The following NRG3 variants were observed in gnomAD, a reference collection of about 807,000 sequenced individuals.
The protein encoded by NRG3 is neuregulin 3.
Under a neutral mutation model 66.9 loss-of-function variants are expected in NRG3, and 31 were observed. The observed-to-expected ratio is 0.46, with a 90% CI of 0.35 to 0.63. NRG3 has a LOEUF of 0.63. Among genes scored for constraint, NRG3 ranks in the 20% least tolerant of loss-of-function variants. The pLI is 0.00. For missense variants in NRG3, 910 were observed against 878.9 expected, an observed-to-expected ratio of 1.04 and a Z score of -0.45; for synonymous variants, 393 against 359.4, an observed-to-expected ratio of 1.09 and a Z score of -1.06.
At chr10:82,740,662 A>G (rs1046226862) in intron 3 of NRG3, among the ~76,000 whole-genome samples, 3 of 152,040 alleles carry the variant, frequency 2.0e-5, no homozygotes, top group African/African-American at 7.2e-5. Flanking sequence ...TGTCTCTACT[A>G]AAAATACAAA....
chr10:82,937,411 C>G (rs117253966), intron 4 of NRG3, among the ~76,000 whole-genome samples: 2 of 152,130 alleles, frequency 1.3e-5, no homozygotes, highest in African/African-American at 4.8e-5. Context: ...GTAAATAGAG[C>G]GAGACCCTGG....
At chr10:81,895,010 C>T (rs540633855) in intron 1 of NRG3, among the ~76,000 whole-genome samples, 8 of 152,276 alleles carry the variant, frequency 5.3e-5, no homozygotes, top group African/African-American at 1.4e-4. Context: ...TGAGTAAGAG[C>T]GGGCCACAGC....
chr10:82,797,606 T>C (rs981107277), intron 3 of NRG3, among the ~76,000 whole-genome samples: 1 of 152,188 alleles, frequency 6.6e-6, no homozygotes, highest in Non-Finnish European at 1.5e-5. Context: ...CCTTGTTTGC[T>C]CATGTCTGCC....
intron 1 of NRG3, among the ~76,000 whole-genome samples, chr10:82,082,746 C>T (rs1483246503): frequency 7.2e-5 from 11 of 152,138 alleles, no homozygotes; most frequent in Admixed American, 7.2e-4. Context: ...AGGAATGACA[C>T]CTGAATGGAA....
intron 1 of NRG3, among the ~76,000 whole-genome samples, chr10:82,352,099 T>G (rs2083470472): frequency 6.6e-6 from 1 of 152,210 alleles, no homozygotes; most frequent in South Asian, 2.1e-4. Context: ...TAATTTAGGG[T>G]TAGTGTGAGG....
At chr10:82,048,637 A>G (rs1323020220) in intron 1 of NRG3, among the ~76,000 whole-genome samples, 2 of 151,622 alleles carry the variant, frequency 1.3e-5, no homozygotes, top group African/African-American at 2.4e-5. Context: ...AATGCCCACA[A>G]GAGAAAGCAG....
At chr10:82,123,005 GAA>G (rs34900819) in intron 1 of NRG3, among the ~76,000 whole-genome samples, 1 of 147,710 alleles carries the variant, frequency 6.8e-6, no homozygotes, top group Non-Finnish European at 1.5e-5. Context: ...CTTTGGCAGT[GAA>G]AAAAAAAAAC....
intron 2 of NRG3, among the ~76,000 whole-genome samples, chr10:82,495,762 C>G (rs1409463097): frequency 6.6e-6 from 1 of 151,752 alleles, no homozygotes; most frequent in Non-Finnish European, 1.5e-5. Context: ...ATATGTCCAT[C>G]TCTGTCTGGC....
intron 3 of NRG3, among the ~76,000 whole-genome samples, chr10:82,756,574 A>C (rs986163183): frequency 6.6e-6 from 1 of 152,124 alleles, no homozygotes; most frequent in Non-Finnish European, 1.5e-5. Flanking sequence ...ACAAGTAAGT[A>C]CAAATTCTTC....
At chr10:82,828,087 C>G (rs1330395010) in intron 3 of NRG3, among the ~76,000 whole-genome samples, 1 of 152,102 alleles carries the variant, frequency 6.6e-6, no homozygotes, top group Non-Finnish European at 1.5e-5. Context: ...GACTGGCTGT[C>G]TTCTGCATGA....
In NRG3 at chr10:82,291,062, C is replaced by T. The variant is rs558240157; in HGVS notation, c.824-67677C>T. 5.9e-5 allele frequency among the ~76,000 whole-genome samples: 9 copies of T among 152,026 alleles called. No homozygotes were observed. In the East Asian group the frequency reaches 1.7e-3, roughly 29 times the overall value. ...GTTATACATGTTTTCTCAGCTAGTGCTATTGCAGTTGAACCATAATATATA... is the reference window on the plus strand; with the variant it reads ...GTTATACATGTTTTCTCAGCTAGTGTTATTGCAGTTGAACCATAATATATA... On this transcript the variant is annotated intron_variant, in intron 1 of 8. Coordinates refer to ENST00000372141, the MANE Select transcript of NRG3 (RefSeq NM_001010848.4).
At chr10:82,456,969 C>T (rs1297046286) in intron 2 of NRG3, among the ~76,000 whole-genome samples, 3 of 152,090 alleles carry the variant, frequency 2.0e-5, no homozygotes, top group Non-Finnish European at 2.9e-5. Context: ...ATTATTTCCT[C>T]TCCTTGGAAT....
chr10:82,518,980 A>G (rs1159315148), intron 2 of NRG3, among the ~76,000 whole-genome samples: 1 of 152,190 alleles, frequency 6.6e-6, no homozygotes, highest in Admixed American at 6.6e-5. Flanking sequence ...CTATGAATCA[A>G]TGTAATCCTA....
At chr10:82,646,895 T>A (rs1033709221) in intron 2 of NRG3, among the ~76,000 whole-genome samples, 8 of 152,098 alleles carry the variant, frequency 5.3e-5, no homozygotes, top group Non-Finnish European at 1.0e-4. Flanking sequence ...ATTTAGGCCT[T>A]TATCTTCCCA....
At chr10:82,152,468 T>TA (rs2070828605) in intron 1 of NRG3, among the ~76,000 whole-genome samples, 1 of 152,128 alleles carries the variant, frequency 6.6e-6, no homozygotes, top group Non-Finnish European at 1.5e-5. Flanking sequence ...ATGACAGATC[T>TA]GGGGCAGAGT....
chr10:82,211,067 A>G (rs2075370692), intron 1 of NRG3, among the ~76,000 whole-genome samples: 1 of 152,150 alleles, frequency 6.6e-6, no homozygotes. Flanking sequence ...ATAAATGTTA[A>G]TATTTATTGG....
chr10:82,474,503 T>A (rs1841578877), intron 2 of NRG3, among the ~76,000 whole-genome samples: 1 of 151,932 alleles, frequency 6.6e-6, no homozygotes, highest in Non-Finnish European at 1.5e-5. Context: ...CAACAGCAGA[T>A]TTGAAGAAAC....
chr10:82,156,795 A>G (rs2071221851), intron 1 of NRG3, among the ~76,000 whole-genome samples: 1 of 151,618 alleles, frequency 6.6e-6, no homozygotes, highest in Non-Finnish European at 1.5e-5. Context: ...ATAGCTATTA[A>G]TAATATAGGT....
Position 82,233,928 on chromosome 10 carries a change from T to C in NRG3, c.824-124811T>C, listed in dbSNP as rs58504792. Reference sequence around the variant, plus strand: ...TACACTTCTGCTGCCACTGCCACTATCACCCTGCACCAAGCAAGCCGCTTT... The same window carrying C: ...TACACTTCTGCTGCCACTGCCACTACCACCCTGCACCAAGCAAGCCGCTTT... On this transcript the variant is annotated intron_variant, in intron 1 of 8. Coordinates refer to ENST00000372141, the MANE Select transcript of NRG3 (RefSeq NM_001010848.4). 5.2e-3 allele frequency among the ~76,000 whole-genome samples: 787 copies of C among 152,252 alleles called. 10 individuals are homozygous for C. Among genetic ancestry groups the C allele is most frequent in the African/African-American group, 0.018 (762 of 41,536 alleles).
Sources: allele counts gnomAD v4.1 joint callset (sites outside exome capture counted in the v4.1 genomes callset), GRCh38; gene constraint gnomAD v4.1.1; transcripts MANE v1.5; gene names NCBI Gene and HGNC (gene_info 2026-07-23, HGNC 2026-07-21).